Variants in CBFA2T3 observed in about 807,000 individuals in gnomAD.
CBFA2T3 encodes CBFA2/RUNX1 partner transcriptional co-repressor 3, also known as transcriptional corepressor CBFA2T3.
CBFA2T3 carries 31 observed loss-of-function variants against 58.6 expected under a neutral mutation model. The observed-to-expected ratio is 0.53, with a 90% CI of 0.40 to 0.71. The LOEUF (loss-of-function observed/expected upper bound fraction) is 0.71, where lower values mean the gene tolerates loss of function less well. CBFA2T3 is among the 30% of genes least tolerant of loss of function. The pLI is 0.00. For synonymous variants in CBFA2T3, 531 were observed against 421.9 expected, an observed-to-expected ratio of 1.26 and a Z score of -3.17; for missense variants, 1,076 against 963.1, an observed-to-expected ratio of 1.12 and a Z score of -1.55.
At chr16:88,911,812 G>C (rs1441033675) in intron 1 of CBFA2T3, among the ~76,000 whole-genome samples, 2 of 152,274 alleles carry the variant, frequency 1.3e-5, no homozygotes, top group East Asian at 1.9e-4. Context: ...CTGGCCCATA[G>C]GTGACACTGA....
intron 1 of CBFA2T3, among the ~76,000 whole-genome samples, chr16:88,944,336 CAAAA>C (rs767482759): frequency 7.1e-5 from 3 of 42,310 alleles, no homozygotes; most frequent in African/African-American, 2.7e-4. Context: ...GACTCCATCT[CAAAA>C]AAAAAAAAAA....
At chr16:88,883,578 G>A (rs956630517) in intron 7 of CBFA2T3, 54 of 152,154 alleles carry the variant, frequency 3.5e-4, no homozygotes, top group Admixed American at 3.1e-3. Context: ...CGTGAGTGAC[G>A]CCCGGCAGTG....
intron 1 of CBFA2T3, chr16:88,940,218 C>G (rs1231831189): frequency 6.5e-6 from 1 of 154,468 alleles, no homozygotes; most frequent in Non-Finnish European, 1.5e-5. Flanking sequence ...ACAGCCCGGC[C>G]GCGGCCCCAG....
At chr16:88,913,725 T>C (rs781113784) in intron 1 of CBFA2T3, among the ~76,000 whole-genome samples, 13 of 152,214 alleles carry the variant, frequency 8.5e-5, no homozygotes, top group Non-Finnish European at 1.9e-4. Flanking sequence ...TCTACAAGGA[T>C]GTTTGTCACA....
Position 88,881,348 on chromosome 16 carries a change from CG to C in CBFA2T3, c.1344del (p.Ala449LeufsTer19). On this transcript the variant is annotated frameshift_variant, in exon 9 of 12. Transcript: ENST00000268679. LOFTEE classifies it high-confidence loss of function. ...YSDAEDTKKG[P>X]APAAARPRSS... ...CTGCGGGGCCGGGCCGCGGCGGGAG[CG>C]GGGCCCTTCTTTGTGTCCTCGGCGT... 1 of 1,583,320 alleles carries C rather than the reference CG, an allele frequency of 6.3e-7. No individual in the cohort carries two copies.
chr16:88,908,824 G>A (rs1489177716), intron 1 of CBFA2T3, among the ~76,000 whole-genome samples: 1 of 152,248 alleles, frequency 6.6e-6, no homozygotes, highest in Non-Finnish European at 1.5e-5. Context: ...TGAGGCCTTT[G>A]CACAGGCAAC....
chr16:88,891,813 T>C (rs1240037543), intron 5 of CBFA2T3, 69 bp downstream of exon 5: 31 of 1,093,402 alleles, frequency 2.8e-5, no homozygotes, highest in Admixed American at 7.4e-5. Flanking sequence ...CTGTCCACGC[T>C]GGCAAGGAGT....
chr16:88,924,765 A>T (rs1971032118), intron 1 of CBFA2T3, among the ~76,000 whole-genome samples: 1 of 152,180 alleles, frequency 6.6e-6, no homozygotes. Flanking sequence ...ACAGCCAGGC[A>T]CTGGGGGCCA....
chr16:88,892,735 C>A (rs970087492), intron 3 of CBFA2T3, among the ~76,000 whole-genome samples: 4 of 152,214 alleles, frequency 2.6e-5, no homozygotes, highest in Admixed American at 2.6e-4. Flanking sequence ...CACACACCCC[C>A]TTACAGACCT....
chr16:88,925,216 C>T (rs900489216), intron 1 of CBFA2T3, among the ~76,000 whole-genome samples: 2 of 152,228 alleles, frequency 1.3e-5, no homozygotes, highest in Admixed American at 1.3e-4. Context: ...CAGCCCCCGG[C>T]CTTGGGAAGG....
intron 1 of CBFA2T3, among the ~76,000 whole-genome samples, chr16:88,914,648 T>C (rs1396596112): frequency 7.3e-6 from 1 of 137,862 alleles, no homozygotes; most frequent in African/African-American, 3.4e-5. Flanking sequence ...CCCCTAGCCA[T>C]CAAAGGTGCC....
rs773369857 is a variant in CBFA2T3, at chr16:88,892,492, G to A, written c.380-7C>T. Reference sequence around the variant, plus strand: ...TGGCTGCTGCCGTTCATCACTGCAGGAGGGAAGCGGACATGAGGACACAAA... The same window carrying A: ...TGGCTGCTGCCGTTCATCACTGCAGAAGGGAAGCGGACATGAGGACACAAA... On this transcript the variant is annotated splice_region_variant and splice_polypyrimidine_tract_variant and intron_variant, in intron 3 of 11. Coordinates refer to ENST00000268679, the MANE Select transcript of CBFA2T3 (RefSeq NM_005187.6). The A allele has an allele frequency of 1.8e-5, 29 of 1,611,010 alleles. No individual in the cohort carries two copies. In the African/African-American group the frequency reaches 2.1e-4, roughly 12 times the overall value.
At chr16:88,938,069 C>G (rs1971566533) in intron 1 of CBFA2T3, 1 of 152,358 alleles carries the variant, frequency 6.6e-6, no homozygotes, top group South Asian at 2.1e-4. Flanking sequence ...GCCAGAGGTG[C>G]AGACCTAGAG....
intron 1 of CBFA2T3, among the ~76,000 whole-genome samples, chr16:88,904,040 G>A (rs896328455): frequency 4.6e-5 from 7 of 152,340 alleles, no homozygotes; most frequent in African/African-American, 1.4e-4. Flanking sequence ...CCGCTGGGCC[G>A]TCATGCCACG....
chr16:88,962,678 T>C (rs112252388), intron 1 of CBFA2T3, among the ~76,000 whole-genome samples: 1 of 152,310 alleles, frequency 6.6e-6, no homozygotes, highest in African/African-American at 2.4e-5. Context: ...CCGGAGCCAG[T>C]GCCTTCCCAC....
intron 8 of CBFA2T3, among the ~76,000 whole-genome samples, 193 bp downstream of exon 8, chr16:88,882,483 G>A (rs1969142711): frequency 6.7e-6 from 1 of 149,938 alleles, no homozygotes; most frequent in African/African-American, 2.4e-5. Flanking sequence ...GTGGCTGTGT[G>A]TGACTGCACG....
Position 88,876,569 on chromosome 16 carries a change from G to T in CBFA2T3, c.*407C>A, listed in dbSNP as rs897864466. The T allele has an allele frequency of 6.6e-5, 17 of 256,120 alleles. No homozygotes were observed. The highest frequency in any genetic ancestry group is 3.5e-4 in the African/African-American group (16 of 45,846). 15.9% of individuals were successfully genotyped at this position (256,120 alleles called of 1,614,324 possible). The stretch of plus-strand genomic sequence containing the variant: ...ACCAATTCGATTTTTTCATTGAAGA[G>T]AAAGTGTGTGATAGTCATAGAGAGA... On this transcript the variant is annotated 3_prime_UTR_variant, in exon 12 of 12. Coordinates refer to ENST00000268679, the MANE Select transcript of CBFA2T3 (RefSeq NM_005187.6).
At chr16:88,962,299 T>C (rs1242877031) in intron 1 of CBFA2T3, among the ~76,000 whole-genome samples, 2 of 152,268 alleles carry the variant, frequency 1.3e-5, no homozygotes, top group African/African-American at 4.8e-5. Context: ...AGATTTCCAC[T>C]GCATACTCGT....
chr16:88,969,947 T>C (rs1425456401), intron 1 of CBFA2T3, among the ~76,000 whole-genome samples: 1 of 152,232 alleles, frequency 6.6e-6, no homozygotes, highest in African/African-American at 2.4e-5. Context: ...TGGAGGCTTC[T>C]GCCATGTCTT....
Sources: allele counts gnomAD v4.1 joint callset (sites outside exome capture counted in the v4.1 genomes callset), GRCh38; gene constraint gnomAD v4.1.1; transcripts MANE v1.5; gene names NCBI Gene and HGNC (gene_info 2026-07-23, HGNC 2026-07-21).